Variants in IL27 observed in about 807,000 individuals in gnomAD.
IL27 encodes interleukin-27 subunit alpha.
IL27 carries 11 observed loss-of-function variants against 27.0 expected under a neutral mutation model. The observed-to-expected ratio is 0.41, with a 90% CI of 0.26 to 0.67. The LOEUF (loss-of-function observed/expected upper bound fraction) is 0.67, where lower values mean the gene tolerates loss of function less well. IL27 is among the 30% of genes least tolerant of loss of function. The pLI is 0.34. For missense variants in IL27, 299 were observed against 310.4 expected, an observed-to-expected ratio of 0.96 and a Z score of 0.28; for synonymous variants, 134 against 140.6, an observed-to-expected ratio of 0.95 and a Z score of 0.33.
intron 1 of IL27, among the ~76,000 whole-genome samples, chr16:28,505,123 A>AT (rs1265078714): frequency 6.6e-6 from 1 of 152,242 alleles, no homozygotes; most frequent in Non-Finnish European, 1.5e-5. Context: ...GGAGGCAGCC[A>AT]TCTGCCCCAG....
intron 4 of IL27, among the ~76,000 whole-genome samples, chr16:28,500,242 G>A (rs2046422743): frequency 6.6e-6 from 1 of 152,130 alleles, no homozygotes; most frequent in African/African-American, 2.4e-5. Context: ...ACAGGCAGAG[G>A]GTGACATAGC....
chr16:28,501,374 T>G (rs1035821082), intron 4 of IL27, among the ~76,000 whole-genome samples: 2 of 148,350 alleles, frequency 1.3e-5, no homozygotes, highest in Non-Finnish European at 3.0e-5. Flanking sequence ...ACTCACAGTC[T>G]CACACTCATG....
intron 4 of IL27, among the ~76,000 whole-genome samples, chr16:28,501,062 G>A (rs1295799078): frequency 2.6e-5 from 4 of 152,024 alleles, no homozygotes; most frequent in African/African-American, 9.7e-5. Context: ...GATGGTGCAC[G>A]CCTGTAGTCC....
At position 28,502,119 on chromosome 16, in the gene IL27, A is replaced by G; in HGVS notation, c.319T>C (p.Cys107Arg). 1 of 1,609,382 alleles carries G rather than the reference A, an allele frequency of 6.2e-7. No individual in the cohort carries two copies. The highest frequency in any genetic ancestry group is 8.5e-7 in the Non-Finnish European group (1 of 1,177,796). ...WRRLSDPERL[C>R]FISTTLQPFH... ...GGCTGAAGCGTGGTGGAGATGAAGC[A>G]GAGACGCTCCGGGTCCTGAAGGGGA... The change falls in exon 4 of 5, where the codon TGC (cysteine) becomes CGC (arginine). Residue 107 changes from cysteine to arginine, a missense_variant. Cys to Arg is a radical substitution (Grantham distance 180, BLOSUM62 -3). Coordinates refer to ENST00000356897, the MANE Select transcript of IL27 (RefSeq NM_145659.3).
chr16:28,503,849 C>T, intron 2 of IL27, 29 bp downstream of exon 2: 1 of 1,613,504 alleles, frequency 6.2e-7, no homozygotes, highest in Non-Finnish European at 8.5e-7. Context: ...CTGCCCATCT[C>T]CAGCGCCAGC....
chr16:28,503,681 C>A lies in IL27; in HGVS notation c.303+14G>T. 6.3e-7 allele frequency: 1 copy of A among 1,589,382 alleles called. No individual in the cohort carries two copies. The highest frequency in any genetic ancestry group is 8.6e-7 in the Non-Finnish European group (1 of 1,165,260). Reference sequence around the variant, plus strand: ...TCACAAGCTTCCCGCCCCACTCCACCAGCCCTCACTCACAGAGAGGCGGCG... The same window carrying A: ...TCACAAGCTTCCCGCCCCACTCCACAAGCCCTCACTCACAGAGAGGCGGCG... On this transcript the variant is annotated intron_variant, in intron 3 of 4. Transcript: ENST00000356897.
chr16:28,500,419 C>T (rs575006154), intron 4 of IL27, among the ~76,000 whole-genome samples: 3 of 152,166 alleles, frequency 2.0e-5, no homozygotes, highest in South Asian at 2.1e-4. Flanking sequence ...GGACTACAGA[C>T]GCGCACCACC....
At chr16:28,504,699 C>T (rs2046452291) in intron 1 of IL27, among the ~76,000 whole-genome samples, 2 of 151,984 alleles carry the variant, frequency 1.3e-5, no homozygotes, top group South Asian at 2.1e-4. Flanking sequence ...ATCCTCTCGC[C>T]TCAGCCTCCC....
Position 28,504,630 on chromosome 16 carries a change from C to A in IL27, c.32-580G>T, listed in dbSNP as rs139091298. On this transcript the variant is annotated intron_variant, in intron 1 of 4. Transcript: ENST00000356897. ...AACAGAGTTCTGTTCTATCACCCAG[C>A]CTGGAGTGTAGTGGTGTGATCACAG... is the stretch of plus-strand genomic sequence containing the variant. Among the ~76,000 whole-genome samples, 588 of 151,774 alleles carry A rather than the reference C, an allele frequency of 3.9e-3. 8 individuals carry two copies. The highest frequency in any genetic ancestry group is 0.013 in the African/African-American group (558 of 41,388).
chr16:28,499,861 CTCCTCCTCCTCCTCT>C lies in IL27; in HGVS notation c.507_521del (p.Glu172_Glu176del), dbSNP rs895309563. On this transcript the variant is annotated inframe_deletion, in exon 5 of 5. Coordinates refer to ENST00000356897, the MANE Select transcript of IL27 (RefSeq NM_145659.3). ...CTGGGAGCAGCCCCTTCCTCTCCTCCTCCTCCTCCTCCTCTTCCTCCTCCTCCTCCTCCGGGAGGT... is the reference window on the plus strand; with the variant it reads ...CTGGGAGCAGCCCCTTCCTCTCCTCCTCCTCCTCCTCCTCCTCCGGGAGGT... 56 of 1,555,624 alleles carry C rather than the reference CTCCTCCTCCTCCTCT, an allele frequency of 3.6e-5. No homozygotes were observed. Among genetic ancestry groups the C allele is most frequent in the Non-Finnish European group, 4.3e-5 (49 of 1,149,432 alleles).
In IL27 at chr16:28,499,562, A is replaced by G. The variant is rs1038714223; in HGVS notation, c.*89T>C. 2 of 1,087,230 alleles carry G rather than the reference A, an allele frequency of 1.8e-6. No homozygotes were observed. The highest frequency in any genetic ancestry group is 2.6e-5 in the East Asian group (1 of 38,470). The allele number at this position is 1,087,230 out of a possible 1,614,324, so 67.3% of individuals were successfully genotyped here. ...GGGCTGGAAGAGCCCTCCCTTGTCC[A>G]AGGCTGATGATGCGAAGGCTGCCCT... On this transcript the variant is annotated 3_prime_UTR_variant, in exon 5 of 5. Transcript: ENST00000356897.
chr16:28,502,072 C>T lies in IL27; in HGVS notation c.366G>A (p.Gly122=). 6.2e-7 allele frequency: 1 copy of T among 1,613,652 alleles called. No homozygotes were observed. Among genetic ancestry groups the T allele is most frequent in the Non-Finnish European group, 8.5e-7 (1 of 1,179,868 alleles). ...TLQPFHALLG[G]LGTQGRWTNM... ...TGGTCCAGCGGCCCTGGGTCCCCAG[C>T]CCTCCCAGCAGGGCATGGAAGGGCT... The change falls in exon 4 of 5, where the codon GGG becomes GGA. Residue 122 remains glycine, a synonymous_variant. Coordinates refer to ENST00000356897, the MANE Select transcript of IL27 (RefSeq NM_145659.3).
chr16:28,504,220 G>A (rs1392434334), intron 1 of IL27, among the ~76,000 whole-genome samples, 170 bp from the exon 2 acceptor site: 1 of 152,230 alleles, frequency 6.6e-6, no homozygotes, highest in East Asian at 1.9e-4. Flanking sequence ...ACTCACACCT[G>A]TAATCCCAAC....
chr16:28,501,950 G>A, intron 4 of IL27, 26 bp downstream of exon 4: 1 of 1,593,314 alleles, frequency 6.3e-7, no homozygotes, highest in Non-Finnish European at 8.5e-7. Flanking sequence ...CGTGGTCTGG[G>A]GTGGTGGAGG....
intron 1 of IL27, among the ~76,000 whole-genome samples, chr16:28,504,606 A>G (rs534806585): frequency 7.2e-4 from 108 of 150,500 alleles, no homozygotes; most frequent in Non-Finnish European, 1.2e-3. Flanking sequence ...TTTTTTTGAA[A>G]CAGAGTTCTG....
chr16:28,502,660 C>T (rs2046439389), intron 3 of IL27, among the ~76,000 whole-genome samples: 1 of 152,066 alleles, frequency 6.6e-6, no homozygotes, highest in African/African-American at 2.4e-5. Context: ...ATCACCTTCT[C>T]ATCTCTAACT....
chr16:28,501,133 G>A (rs932539280), intron 4 of IL27, among the ~76,000 whole-genome samples: 6 of 151,832 alleles, frequency 4.0e-5, no homozygotes, highest in African/African-American at 1.5e-4. Flanking sequence ...ATGTTACAGT[G>A]AGCTGAGATC....
rs2046445531 is a variant in IL27 at position 28,503,623 on chromosome 16, T to A, written c.303+72A>T. 3.6e-6 allele frequency: 4 copies of A among 1,123,308 alleles called. No individual in the cohort carries two copies. In the East Asian group the frequency reaches 9.6e-5, roughly 27 times the overall value. 69.6% of individuals were successfully genotyped at this position (1,123,308 alleles called of 1,614,324 possible). On this transcript the variant is annotated intron_variant, in intron 3 of 4. Transcript: ENST00000356897. ...TCCCCAATGCATCTCCAGCTCAATC[T>A]CCAGCCTCATCTTGCACCCTGGCCC... is the stretch of plus-strand genomic sequence containing the variant.
rs192940377 is a variant in IL27 at position 28,499,678 on chromosome 16, C to A, written c.705G>T (p.Gly235=). The part of the protein sequence containing the change: ...SKAGHSVWPL[G]FPTLSPQP ...AGGGCTGGGGGCTCAATGTTGGGAA[C>A]CCCAAGGGCCAGACTGAGTGCCCAG... Residue 235 remains glycine (G), a synonymous_variant, in exon 5 of 5, where the codon GGG becomes GGT. Transcript: ENST00000356897. The A allele has an allele frequency of 1.3e-3, 2,153 of 1,612,936 alleles. 22 individuals carry two copies. The highest frequency in any genetic ancestry group is 0.011 in the South Asian group (1,015 of 90,786).
Sources: gnomAD v4.1 joint callset for allele counts (sites outside exome capture counted in the v4.1 genomes callset) on GRCh38, gnomAD v4.1.1 for gene constraint, MANE v1.5 for transcripts, NCBI Gene and HGNC (gene_info 2026-07-23, HGNC 2026-07-21) for gene names.